RNF213: variants seen among roughly 807,000 people sequenced by gnomAD.
The protein encoded by RNF213 is ring finger protein 213.
In RNF213, 341 loss-of-function variants were observed where a neutral mutation model predicts 514.4. The observed-to-expected ratio is 0.66, with a 90% CI of 0.61 to 0.73. The LOEUF (loss-of-function observed/expected upper bound fraction) is 0.73. RNF213 is among the 30% of genes least tolerant of loss of function. RNF213 has a pLI of 0.00. For synonymous variants in RNF213, 2,655 were observed against 2,658.2 expected, an observed-to-expected ratio of 1.00 and a Z score of 0.04; for missense variants, 5,767 against 6,615.6, an observed-to-expected ratio of 0.87 and a Z score of 4.45.
intron 26 of RNF213, 41 bp downstream of exon 26, chr17:80,340,397 G>T (rs1472789889): frequency 6.5e-7 from 1 of 1,537,390 alleles, no homozygotes; most frequent in East Asian, 2.4e-5. Flanking sequence ...GTCTCCCAGG[G>T]ACTGCCCGGG....
chr17:80,306,423 G>T lies in RNF213; in HGVS notation c.2382G>T (p.Gly794=), dbSNP rs753003842. The change falls in exon 12 of 68, where the codon GGG becomes GGT. Residue 794 remains glycine (G), a synonymous_variant. Transcript: ENST00000582970. ...FPAHILDCLS[G]IYYRLPGLEQ... ...CTCATATCCTGGACTGTCTTTCAGGGATTTACTACCGGCTTCCGGGACTTG... is the reference window on the plus strand; with the variant it reads ...CTCATATCCTGGACTGTCTTTCAGGTATTTACTACCGGCTTCCGGGACTTG... 6.2e-7 allele frequency: 1 copy of T among 1,614,158 alleles called. No individual in the cohort carries two copies. Among genetic ancestry groups the T allele is most frequent in the Non-Finnish European group, 8.5e-7 (1 of 1,180,038 alleles).
At chr17:80,318,578 CTTTT>C (rs11455821) in intron 16 of RNF213, among the ~76,000 whole-genome samples, 1 of 147,598 alleles carries the variant, frequency 6.8e-6, no homozygotes, top group African/African-American at 2.5e-5. Flanking sequence ...TTATATGTAA[CTTTT>C]TTTTTTTTTG....
intron 14 of RNF213, among the ~76,000 whole-genome samples, chr17:80,309,416 A>T (rs2045488011): frequency 6.6e-6 from 1 of 151,990 alleles, no homozygotes; most frequent in African/African-American, 2.4e-5. Context: ...GCAGGGAGTT[A>T]ATGTGTGGCC....
chr17:80,393,604 G>C lies in RNF213; in HGVS notation c.*106G>C. The C allele has an allele frequency of 2.3e-6, 3 of 1,298,390 alleles. No individual in the cohort carries two copies. The highest frequency in any genetic ancestry group is 3.3e-6 in the Non-Finnish European group (3 of 915,978). The allele number at this position is 1,298,390 out of a possible 1,614,324, so 80.4% of individuals were successfully genotyped here. On this transcript the variant is annotated 3_prime_UTR_variant, in exon 68 of 68. Transcript: ENST00000582970. The stretch of plus-strand genomic sequence containing the variant: ...ACTGGTGCCTTTGCATTCAGAAGGA[G>C]AGCTGTCAGCGTAGCACCGAATTCA...
chr17:80,266,278 CAA>C (rs893946823), intron 2 of RNF213, among the ~76,000 whole-genome samples: 6 of 93,404 alleles, frequency 6.4e-5, no homozygotes, highest in Non-Finnish European at 2.1e-5. Flanking sequence ...CCCATCTCTA[CAA>C]AAAAAAAAAA....
chr17:80,313,022 G>C lies in RNF213; in HGVS notation c.2666G>C (p.Gly889Ala). 1.2e-6 allele frequency: 2 copies of C among 1,613,940 alleles called. No homozygotes were observed. The highest frequency in any genetic ancestry group is 1.7e-6 in the Non-Finnish European group (2 of 1,180,034). ...IRLLSLVDSA[G>A]QRDETGNNSV... is the part of the protein sequence containing the mutation. ...CTTGTGTGACAACAGGATTCTGCAG[G>C]ACAGAGAGATGAAACTGGAAATAAT... Residue 889 changes from glycine to alanine, a missense_variant, in exon 15 of 68, where the codon GGA becomes GCA. Coordinates refer to ENST00000582970, the MANE Select transcript of RNF213 (RefSeq NM_001256071.3).
chr17:80,369,579 T>C lies in RNF213; in HGVS notation c.12233T>C (p.Phe4078Ser). 6.2e-7 allele frequency: 1 copy of C among 1,614,236 alleles called. No individual in the cohort carries two copies. The highest frequency in any genetic ancestry group is 8.5e-7 in the Non-Finnish European group (1 of 1,180,038). The part of the protein sequence containing the change: ...FFVDLVSTIC[F>S]KDNAPPEKEV... ...GTAGACCTGGTGTCCACCATTTGCTTCAAGGACAACGCTCCGCCTGAGAAG... is the reference window on the plus strand; with the variant it reads ...GTAGACCTGGTGTCCACCATTTGCTCCAAGGACAACGCTCCGCCTGAGAAG... Residue 4078 changes from phenylalanine to serine, a missense_variant, in exon 45 of 68, where the codon TTC becomes TCC. Around this residue, in one of 13 missense-constraint regions of RNF213, gnomAD observed 93 missense variants for 95.6 expected, o/e 0.97. Coordinates refer to ENST00000582970, the MANE Select transcript of RNF213 (RefSeq NM_001256071.3).
chr17:80,281,982 G>T (rs911489229), intron 3 of RNF213, among the ~76,000 whole-genome samples: 1 of 151,880 alleles, frequency 6.6e-6, no homozygotes, highest in Admixed American at 6.6e-5. Flanking sequence ...TCAGCCTCCC[G>T]AGCAGCTGGG....
In RNF213 at chr17:80,347,196, G is replaced by A. The variant is rs1438734302; in HGVS notation, c.8861G>A (p.Arg2954His). The change falls in exon 29 of 68, where the codon CGT becomes CAT. Residue 2954 changes from arginine (R) to histidine (H), a missense_variant. Physicochemically the swap from Arg to His is conservative, Grantham distance 29. This residue lies in a region of RNF213 where 919 missense variants were observed against 1,121.0 expected (regional missense o/e 0.82). Transcript: ENST00000582970. This position sits in a 1 kb window ranked among gnomAD's most constrained non-coding sequence, Gnocchi z 7.2. Reference protein sequence around the residue: ...KRQDKEFFGLRDYYSLIKMVF... With the variant: ...KRQDKEFFGLHDYYSLIKMVF... ...CAGGACAAGGAATTCTTCGGGCTTC[G>A]TGACTACTACAGCCTCATCAAAATG... 18 of 1,613,488 alleles carry A rather than the reference G, an allele frequency of 1.1e-5. No homozygotes were observed. The highest frequency in any genetic ancestry group is 4.5e-5 in the East Asian group (2 of 44,888).
At chr17:80,369,365 T>G (rs2079416712) in intron 44 of RNF213, 137 bp from the exon 45 acceptor site, 1 of 869,898 alleles carries the variant, frequency 1.1e-6, no homozygotes, top group Non-Finnish European at 1.9e-6. Flanking sequence ...GCCACTGTAC[T>G]CCAGCCTGGG....
chr17:80,294,654 C>A, intron 8 of RNF213, 66 bp from the exon 9 acceptor site: 3 of 1,576,778 alleles, frequency 1.9e-6, no homozygotes, highest in East Asian at 4.5e-5. Context: ...GCCTTCTAGG[C>A]TAGTGTCTAG....
chr17:80,382,825 A>G (rs2080076145), intron 57 of RNF213, 154 bp from the exon 58 acceptor site: 1 of 641,378 alleles, frequency 1.6e-6, no homozygotes, highest in Non-Finnish European at 2.9e-6. Flanking sequence ...GGTGGTAACA[A>G]CAGGAACTAC....
At chr17:80,274,113 T>G (rs2043930291) in intron 3 of RNF213, among the ~76,000 whole-genome samples, 1 of 152,028 alleles carries the variant, frequency 6.6e-6, no homozygotes, top group South Asian at 2.1e-4. Flanking sequence ...GGTGCGTGTC[T>G]TGCGCTTCTG....
chr17:80,336,371 G>A lies in RNF213; in HGVS notation c.4520G>A (p.Arg1507Lys). ...KALDKDQYLP[R>K]KLCDSARNLE... ...CTGGATAAGGACCAGTACCTGCCCA[G>A]GAAACTGGTGAGTCTTATTCTGTCT... Residue 1507 changes from arginine to lysine, a missense_variant, in exon 23 of 68, where the codon AGG becomes AAG. By Grantham distance (26) the Arg-to-Lys change is conservative. Around this residue, in one of 13 missense-constraint regions of RNF213, gnomAD observed 1,377 missense variants for 1,635.2 expected, o/e 0.84. Transcript: ENST00000582970. The A allele has an allele frequency of 6.5e-7, 1 of 1,537,130 alleles. No individual in the cohort carries two copies. Among genetic ancestry groups the A allele is most frequent in the Non-Finnish European group, 8.7e-7 (1 of 1,146,776 alleles).
intron 44 of RNF213, 130 bp from the exon 45 acceptor site, chr17:80,369,372 T>C: frequency 1.1e-6 from 1 of 907,402 alleles, no homozygotes. Flanking sequence ...TACTCCAGCC[T>C]GGGCAACAAG....
At position 80,353,362 on chromosome 17, in the gene RNF213, C is replaced by T. The variant is rs1345451161; in HGVS notation, c.10424-150C>T. 7 of 945,532 alleles carry T rather than the reference C, an allele frequency of 7.4e-6. No homozygotes were observed. The highest frequency in any genetic ancestry group is 5.2e-5 in the East Asian group (2 of 38,162). The allele number at this position is 945,532 out of a possible 1,614,324, so 58.6% of individuals were successfully genotyped here. ...TGCCTTGGGGGCTGATCTTCATGAC[C>T]GTGATCTCTCATCTGGGGACCTAGC... is the stretch of plus-strand genomic sequence containing the variant. On this transcript the variant is annotated intron_variant, in intron 33 of 67. Transcript: ENST00000582970. The surrounding 1 kb of genome is among the most constrained non-coding windows in gnomAD (Gnocchi z 5.0).
rs990862006 is a variant in RNF213 at position 80,353,213 on chromosome 17, T to G, written c.10423+154T>G. On this transcript the variant is annotated intron_variant, in intron 33 of 67. Coordinates refer to ENST00000582970, the MANE Select transcript of RNF213 (RefSeq NM_001256071.3). The surrounding 1 kb of genome is among the most constrained non-coding windows in gnomAD (Gnocchi z 5.0). ...CACATCTGCAGAACTGACTGGTGGC[T>G]CATCATAGAGCACCAGGGCCGAGCA... 1.7e-5 allele frequency: 18 copies of G among 1,073,256 alleles called. No homozygotes were observed. In the East Asian group the frequency reaches 4.0e-4, roughly 24 times the overall value. 66.5% of individuals were successfully genotyped at this position (1,073,256 alleles called of 1,614,324 possible).
At chr17:80,272,925 G>T (rs758360159) in intron 2 of RNF213, among the ~76,000 whole-genome samples, 20 of 152,176 alleles carry the variant, frequency 1.3e-4, no homozygotes, top group Non-Finnish European at 2.5e-4. Flanking sequence ...TTTTAGAGGT[G>T]CCCGAGGTGC....
chr17:80,328,827 G>A (rs1204300045), intron 20 of RNF213, among the ~76,000 whole-genome samples: 3 of 152,102 alleles, frequency 2.0e-5, no homozygotes, highest in Admixed American at 6.6e-5. Flanking sequence ...TTCTCATAAC[G>A]GAGTTGCATC....
Sources: allele counts gnomAD v4.1 joint callset (sites outside exome capture counted in the v4.1 genomes callset), GRCh38; gene constraint gnomAD v4.1.1; regional missense constraint gnomAD v4.1.1; non-coding constraint Gnocchi (gnomAD v3.1); transcripts MANE v1.5; gene names NCBI Gene and HGNC (gene_info 2026-07-23, HGNC 2026-07-21).